The following LHFPL1 variants were observed in gnomAD, a reference collection of about 807,000 sequenced individuals.
LHFPL1 encodes the protein LHFPL tetraspan subfamily member 1, also known as LHFPL tetraspan subfamily member 1 protein.
A neutral mutation model predicts 12.1 loss-of-function variants in LHFPL1; 4 were observed. That is an observed-to-expected ratio of 0.33 (90% confidence interval 0.16 to 0.76). LHFPL1 has a LOEUF of 0.76. LHFPL1 is among the 30% of genes least tolerant of loss of function. The pLI is 0.61. For missense variants in LHFPL1, 141 were observed against 174.1 expected (o/e 0.81, Z 1.07); for synonymous variants, 52 against 61.9 (o/e 0.84, Z 0.75).
intron 3 of LHFPL1, among the ~76,000 whole-genome samples, chrX:112,634,585 T>C (rs1284029636): frequency 8.9e-6 from 1 of 111,844 alleles, no homozygotes; most frequent in Non-Finnish European, 1.9e-5. Flanking sequence ...AGGGAAAGAC[T>C]CATTTCTCTG....
intron 1 of LHFPL1, among the ~76,000 whole-genome samples, chrX:112,678,771 G>A (rs1002674773): frequency 1.8e-5 from 2 of 111,645 alleles, no homozygotes; most frequent in Non-Finnish European, 3.8e-5. Context: ...CGAATTTATG[G>A]GAATTCATAT....
chrX:112,664,548 G>A (rs937510514), intron 2 of LHFPL1, among the ~76,000 whole-genome samples: 2 of 111,338 alleles, frequency 1.8e-5, no homozygotes, highest in Admixed American at 9.6e-5. Context: ...ATGTAGCTCC[G>A]TGCTCTGCCC....
chrX:112,639,999 C>T (rs1462269638), intron 3 of LHFPL1, among the ~76,000 whole-genome samples: 1 of 111,762 alleles, frequency 8.9e-6, no homozygotes, highest in Non-Finnish European at 1.9e-5. Flanking sequence ...GAAATTGGTT[C>T]CTCTCCCCTA....
At chrX:112,652,378 C>T (rs747748198) in intron 3 of LHFPL1, among the ~76,000 whole-genome samples, 17 of 111,832 alleles carry the variant, frequency 1.5e-4, no homozygotes, top group Non-Finnish European at 1.3e-4. Context: ...TTGTCTTTAC[C>T]TTGAGGAGGT....
chrX:112,630,767 T>C lies in LHFPL1; in HGVS notation c.*653A>G, dbSNP rs1280035127. On this transcript the variant is annotated 3_prime_UTR_variant, in exon 4 of 4. Transcript: ENST00000371968. ...AAGGATGAGAGAATATTTGCTACTA[T>C]ATATTTTTTTTGCTCATCACCCAGC... 1 of 111,576 alleles carries C rather than the reference T, an allele frequency of 9.0e-6. No homozygotes were observed. Among genetic ancestry groups the C allele is most frequent in the Non-Finnish European group, 1.9e-5 (1 of 53,157 alleles). 9.2% of individuals were successfully genotyped at this position (111,576 alleles called of 1,213,427 possible).
At chrX:112,677,122 C>T (rs1335638128) in intron 1 of LHFPL1, among the ~76,000 whole-genome samples, 1 of 111,702 alleles carries the variant, frequency 9.0e-6, no homozygotes, top group Non-Finnish European at 1.9e-5. Context: ...TGGAGAAAAA[C>T]AAAGCTATTC....
chrX:112,646,906 G>A (rs1161286897), intron 3 of LHFPL1, among the ~76,000 whole-genome samples: 1 of 111,798 alleles, frequency 8.9e-6, no homozygotes, highest in East Asian at 2.8e-4. Flanking sequence ...AAAAGTCATT[G>A]TAGCACACAG....
chrX:112,657,663 C>T (rs974239628), intron 3 of LHFPL1, among the ~76,000 whole-genome samples: 3 of 110,892 alleles, frequency 2.7e-5, no homozygotes, highest in African/African-American at 9.8e-5. Context: ...ACAAGGATAC[C>T]AAGACCATTC....
chrX:112,650,782 A>G (rs1476548796), intron 3 of LHFPL1, among the ~76,000 whole-genome samples: 1 of 111,747 alleles, frequency 8.9e-6, no homozygotes, highest in African/African-American at 3.2e-5. Context: ...ATAAAATTAG[A>G]TATTTATTTA....
intron 1 of LHFPL1, among the ~76,000 whole-genome samples, chrX:112,675,874 G>T (rs1397362765): frequency 8.9e-6 from 1 of 112,389 alleles, no homozygotes; most frequent in African/African-American, 3.2e-5. Context: ...AGTGACTATG[G>T]AATTAAACAT....
intron 1 of LHFPL1, among the ~76,000 whole-genome samples, chrX:112,673,424 G>C (rs1931567920): frequency 1.8e-5 from 2 of 111,575 alleles, no homozygotes; most frequent in Non-Finnish European, 3.8e-5. Context: ...CAGCAGGTAT[G>C]GTTGGCCGCA....
intron 2 of LHFPL1, among the ~76,000 whole-genome samples, chrX:112,662,926 C>T (rs1931230897): frequency 8.9e-6 from 1 of 112,123 alleles, no homozygotes; most frequent in African/African-American, 3.2e-5. Flanking sequence ...CCCACACAGA[C>T]TAGGAAGAAA....
At chrX:112,643,723 A>C (rs1930600084) in intron 3 of LHFPL1, among the ~76,000 whole-genome samples, 1 of 111,626 alleles carries the variant, frequency 9.0e-6, no homozygotes, top group African/African-American at 3.3e-5. Context: ...TCCTCACTTT[A>C]GTCGTGGGGA....
At chrX:112,638,930 T>C (rs1488176693) in intron 3 of LHFPL1, among the ~76,000 whole-genome samples, 1 of 111,383 alleles carries the variant, frequency 9.0e-6, no homozygotes, top group Non-Finnish European at 1.9e-5. Flanking sequence ...CATGAAGACC[T>C]GAATTTTATG....
chrX:112,660,552 C>A lies in LHFPL1; in HGVS notation c.481+75G>T, dbSNP rs1931150400. On this transcript the variant is annotated intron_variant, in intron 3 of 3. Coordinates refer to ENST00000371968, the MANE Select transcript of LHFPL1 (RefSeq NM_178175.4). ...TCAGGCAAGTACCACTAGCAGAGTG[C>A]CCTCCAAGTGGTAAAGCACTTTGGA... is the stretch of plus-strand genomic sequence containing the variant. 3.8e-6 allele frequency: 3 copies of A among 793,202 alleles called. No individual in the cohort carries two copies. In the African/African-American group the frequency reaches 6.1e-5, roughly 16 times the overall value. The allele number at this position is 793,202 out of a possible 1,213,427, so 65.4% of individuals were successfully genotyped here. A position where few individuals can be genotyped will look rare whatever the true frequency, so the allele number is the denominator to read the frequency against.
chrX:112,639,749 A>G (rs1218673337), intron 3 of LHFPL1, among the ~76,000 whole-genome samples: 1 of 111,975 alleles, frequency 8.9e-6, no homozygotes, highest in Non-Finnish European at 1.9e-5. Flanking sequence ...CTCATCTTCC[A>G]TGTCTCAGGC....
At chrX:112,670,884 A>C (rs1726773067) in intron 2 of LHFPL1, 125 bp downstream of exon 2, 1 of 762,214 alleles carries the variant, frequency 1.3e-6, no homozygotes, top group South Asian at 2.8e-5. Flanking sequence ...AGGAGACTTC[A>C]TTCATAGCCT....
chrX:112,674,670 C>A (rs749322413), intron 1 of LHFPL1, among the ~76,000 whole-genome samples: 1 of 111,513 alleles, frequency 9.0e-6, no homozygotes, highest in Non-Finnish European at 1.9e-5. Context: ...AAATGGCCAA[C>A]AGATATATGA....
chrX:112,649,581 A>G (rs1171512363), intron 3 of LHFPL1, among the ~76,000 whole-genome samples: 1 of 111,822 alleles, frequency 8.9e-6, no homozygotes, highest in African/African-American at 3.2e-5. Context: ...ATATCTTCCA[A>G]TATTCCCCTA....
Sources: gnomAD v4.1 joint callset for allele counts (sites outside exome capture counted in the v4.1 genomes callset) on GRCh38, gnomAD v4.1.1 for gene constraint, MANE v1.5 for transcripts, NCBI Gene and HGNC (gene_info 2026-07-23, HGNC 2026-07-21) for gene names.